Variants in ZBTB20 observed in about 807,000 individuals in gnomAD.
ZBTB20 encodes zinc finger and BTB domain-containing protein 20.
ZBTB20 carries 9 observed loss-of-function variants against 56.9 expected under a neutral mutation model. That is an observed-to-expected ratio of 0.16 (90% CI 0.10 to 0.28). ZBTB20 has a LOEUF of 0.28. Ranked by LOEUF, ZBTB20 falls within the 10% of genes least tolerant of loss-of-function variation. The pLI is 1.00. For synonymous variants in ZBTB20, 417 were observed against 420.7 expected, an observed-to-expected ratio of 0.99 and a Z score of 0.11; for missense variants, 655 against 1,003.0, an observed-to-expected ratio of 0.65 and a Z score of 4.69.
intron 5 of ZBTB20, among the ~76,000 whole-genome samples, chr3:114,731,201 G>A (rs80210568): frequency 0.064 from 9,726 of 152,078 alleles, 340 homozygotes; most frequent in Middle Eastern, 0.13. Flanking sequence ...TGTTAATCCC[G>A]GTTCCCTTAA....
intron 4 of ZBTB20, among the ~76,000 whole-genome samples, chr3:114,830,409 GA>G (rs1453861524): frequency 1.3e-5 from 2 of 151,950 alleles, no homozygotes; most frequent in Admixed American, 6.6e-5. Context: ...CAAAGGCAAT[GA>G]GAGCTTGGTG....
At chr3:114,971,480 G>A (rs756370575) in intron 3 of ZBTB20, among the ~76,000 whole-genome samples, 6 of 152,092 alleles carry the variant, frequency 3.9e-5, no homozygotes, top group Admixed American at 6.5e-5. Context: ...ATAAAAGTGC[G>A]GATTGTAAAA....
chr3:114,700,802 G>A (rs1298400944), intron 5 of ZBTB20, among the ~76,000 whole-genome samples: 3 of 152,150 alleles, frequency 2.0e-5, no homozygotes, highest in Non-Finnish European at 2.9e-5. Flanking sequence ...CAGGGACATT[G>A]CTGCCAAAAT....
At chr3:115,014,961 T>C (rs746367950) in intron 2 of ZBTB20, among the ~76,000 whole-genome samples, 4 of 151,830 alleles carry the variant, frequency 2.6e-5, no homozygotes, top group Non-Finnish European at 5.9e-5. Context: ...TAAGAAAAGC[T>C]ATTTCGCTGA....
At chr3:115,025,146 T>C (rs112127906) in intron 2 of ZBTB20, among the ~76,000 whole-genome samples, 22,425 of 151,164 alleles carry the variant, frequency 0.15, 3,229 homozygotes, top group African/African-American at 0.37. Flanking sequence ...CTCTATGTGT[T>C]CATGTGTTCT....
At chr3:114,483,156 A>G (rs1266226674) in intron 7 of ZBTB20, among the ~76,000 whole-genome samples, 1 of 152,130 alleles carries the variant, frequency 6.6e-6, no homozygotes, top group African/African-American at 2.4e-5. Context: ...GTCTATTTTT[A>G]CTTTTCATAT....
At chr3:114,721,513 G>A (rs2064911283) in intron 5 of ZBTB20, among the ~76,000 whole-genome samples, 2 of 152,136 alleles carry the variant, frequency 1.3e-5, no homozygotes, top group East Asian at 1.9e-4. Context: ...GCCAGGCACC[G>A]AACTATGTGC....
At chr3:114,711,712 A>G (rs1272693072) in intron 5 of ZBTB20, among the ~76,000 whole-genome samples, 2 of 152,204 alleles carry the variant, frequency 1.3e-5, no homozygotes, top group Non-Finnish European at 2.9e-5. Context: ...GGAGTGAGCT[A>G]TACTTTTATA....
At chr3:114,740,516 A>G (rs2066497711) in intron 5 of ZBTB20, among the ~76,000 whole-genome samples, 1 of 152,214 alleles carries the variant, frequency 6.6e-6, no homozygotes. Context: ...TAGATCTTTC[A>G]GAAATGAGAG....
At chr3:114,470,641 A>C (rs1025948533) in intron 7 of ZBTB20, among the ~76,000 whole-genome samples, 2 of 152,162 alleles carry the variant, frequency 1.3e-5, no homozygotes, top group Non-Finnish European at 2.9e-5. Context: ...AATAAATTTA[A>C]TGCTTTTACC....
At chr3:114,394,589 CG>C (rs1306130849) in intron 7 of ZBTB20, among the ~76,000 whole-genome samples, 1 of 152,184 alleles carries the variant, frequency 6.6e-6, no homozygotes, top group Admixed American at 6.5e-5. Context: ...AATGAACAAA[CG>C]AATCACCCAG....
chr3:114,447,717 G>A (rs1331718929), intron 7 of ZBTB20, among the ~76,000 whole-genome samples: 1 of 152,168 alleles, frequency 6.6e-6, no homozygotes, highest in South Asian at 2.1e-4. Flanking sequence ...GACTTAAGGA[G>A]AAGAGCTCCA....
intron 6 of ZBTB20, among the ~76,000 whole-genome samples, chr3:114,628,640 C>G (rs1343724976): frequency 6.6e-6 from 1 of 152,118 alleles, no homozygotes; most frequent in African/African-American, 2.4e-5. Flanking sequence ...GCCAAGAGGA[C>G]GATCTGTCAT....
At chr3:114,770,701 T>A (rs2702169) in intron 5 of ZBTB20, among the ~76,000 whole-genome samples, 72 of 152,332 alleles carry the variant, frequency 4.7e-4, no homozygotes, top group Middle Eastern at 3.4e-3. Context: ...GTAAAGTGTA[T>A]TGTATCATAC....
At chr3:114,888,589 A>T (rs1301398779) in intron 4 of ZBTB20, among the ~76,000 whole-genome samples, 1 of 152,180 alleles carries the variant, frequency 6.6e-6, no homozygotes, top group African/African-American at 2.4e-5. Context: ...CCTATTTTTC[A>T]TCAATGGAAA....
At chr3:115,032,191 T>C (rs1017033488) in intron 2 of ZBTB20, among the ~76,000 whole-genome samples, 2 of 151,400 alleles carry the variant, frequency 1.3e-5, no homozygotes, top group African/African-American at 4.8e-5. Flanking sequence ...GTATTTTATG[T>C]AATATGGTCC....
chr3:114,778,238 A>T (rs1178468987), intron 5 of ZBTB20, among the ~76,000 whole-genome samples: 4 of 129,662 alleles, frequency 3.1e-5, no homozygotes, highest in Admixed American at 3.1e-4. Flanking sequence ...TAAAACTTAA[A>T]GTATGTTAAT....
chr3:114,527,709 T>A (rs11720758), intron 6 of ZBTB20, among the ~76,000 whole-genome samples: 4 of 152,192 alleles, frequency 2.6e-5, no homozygotes, highest in African/African-American at 9.7e-5. Flanking sequence ...ATGTTAAATA[T>A]GTGTATTTCC....
intron 1 of ZBTB20, among the ~76,000 whole-genome samples, chr3:115,129,057 C>G (rs551287582): frequency 5.2e-4 from 79 of 152,150 alleles, no homozygotes; most frequent in African/African-American, 1.8e-3. Context: ...CGAGATTGCA[C>G]CACTGCACTC....
Sources: gnomAD v4.1 joint callset for allele counts (sites outside exome capture counted in the v4.1 genomes callset) on GRCh38, gnomAD v4.1.1 for gene constraint, MANE v1.5 for transcripts, NCBI Gene and HGNC (gene_info 2026-07-23, HGNC 2026-07-21) for gene names.